FRAS1: variants seen among roughly 807,000 people sequenced by gnomAD.
FRAS1 encodes extracellular matrix organizing protein FRAS1.
FRAS1 carries 290 observed loss-of-function variants against 435.2 expected under a neutral mutation model. That is an observed-to-expected ratio of 0.67 (90% confidence interval 0.61 to 0.73). The LOEUF (loss-of-function observed/expected upper bound fraction) is 0.73, where lower values mean the gene tolerates loss of function less well. Among genes scored for constraint, FRAS1 ranks in the 30% least tolerant of loss-of-function variants. The pLI is 0.00. For missense variants in FRAS1, 4,860 were observed against 5,001.5 expected, an observed-to-expected ratio of 0.97 and a Z score of 0.85; for synonymous variants, 1,800 against 1,851.0, an observed-to-expected ratio of 0.97 and a Z score of 0.71.
At chr4:78,467,263 C>T (rs1719560937) in intron 50 of FRAS1, among the ~76,000 whole-genome samples, 1 of 152,162 alleles carries the variant, frequency 6.6e-6, no homozygotes. Context: ...TTCTTCTCCT[C>T]TCTCTCTCCA....
Position 78,364,033 on chromosome 4 carries a change from G to A in FRAS1, c.2701G>A (p.Asp901Asn), listed in dbSNP as rs764578829. The part of the protein sequence containing the change: ...STTCFPGHYL[D>N]DNHVCQPCNT... ...CACCTGCTTCCCTGGGCACTATCTTGATGACAATCATGTTTGCCAGCGTAG... is the reference window on the plus strand; with the variant it reads ...CACCTGCTTCCCTGGGCACTATCTTAATGACAATCATGTTTGCCAGCGTAG... The change falls in exon 22 of 74, where the codon GAT (aspartate) becomes AAT (asparagine). Residue 901 changes from aspartate to asparagine, a missense_variant. Physicochemically the swap from Asp to Asn is conservative, Grantham distance 23 (BLOSUM62 1). Transcript: ENST00000512123. 4.4e-6 allele frequency: 7 copies of A among 1,595,312 alleles called. No individual in the cohort carries two copies. In the South Asian group the frequency reaches 7.9e-5, roughly 18 times the overall value.
intron 70 of FRAS1, among the ~76,000 whole-genome samples, chr4:78,531,502 G>C (rs1339684887): frequency 1.3e-5 from 2 of 152,122 alleles, no homozygotes; most frequent in Non-Finnish European, 2.9e-5. Context: ...TTATTATTTT[G>C]AGATATGTCC....
At chr4:78,365,731 G>C (rs1731237659) in intron 22 of FRAS1, among the ~76,000 whole-genome samples, 1 of 125,886 alleles carries the variant, frequency 7.9e-6, no homozygotes, top group African/African-American at 3.5e-5. Flanking sequence ...TGAGTTTCTA[G>C]TACATTAAAA....
chr4:78,364,968 C>T (rs1163217770), intron 22 of FRAS1, among the ~76,000 whole-genome samples: 1 of 152,086 alleles, frequency 6.6e-6, no homozygotes, highest in Admixed American at 6.5e-5. Flanking sequence ...GCCAATTAAC[C>T]ACTAGGCCTC....
chr4:78,445,378 T>G, intron 41 of FRAS1, 144 bp from the exon 42 acceptor site: 1 of 1,085,568 alleles, frequency 9.2e-7, no homozygotes, highest in Non-Finnish European at 1.2e-6. Context: ...CAATTCCTGG[T>G]CTTGTGCTTA....
intron 2 of FRAS1, among the ~76,000 whole-genome samples, chr4:78,138,541 C>A (rs896829709): frequency 6.6e-6 from 1 of 152,098 alleles, no homozygotes; most frequent in African/African-American, 2.4e-5. Flanking sequence ...TTCATAATAG[C>A]GACGGCTTTT....
intron 66 of FRAS1, 148 bp from the exon 67 acceptor site, chr4:78,519,183 G>C: frequency 2.5e-6 from 1 of 403,826 alleles, no homozygotes; most frequent in Non-Finnish European, 4.2e-6. Context: ...TTTTAAATAA[G>C]TAAGTGCAAT....
chr4:78,132,182 G>C (rs1301057638), intron 2 of FRAS1, among the ~76,000 whole-genome samples: 3 of 151,948 alleles, frequency 2.0e-5, no homozygotes, highest in South Asian at 2.1e-4. Flanking sequence ...ATAAACCAGG[G>C]CCCCCCTGCA....
chr4:78,258,339 CAAAAA>C (rs33932507), intron 6 of FRAS1, among the ~76,000 whole-genome samples: 5 of 139,904 alleles, frequency 3.6e-5, no homozygotes, highest in Non-Finnish European at 3.1e-5. Flanking sequence ...AGACCTGTAT[CAAAAA>C]AAAAAAAAAA....
intron 2 of FRAS1, among the ~76,000 whole-genome samples, chr4:78,223,971 C>G (rs1724163580): frequency 2.0e-5 from 3 of 151,992 alleles, no homozygotes; most frequent in African/African-American, 7.2e-5. Flanking sequence ...ATGTCATGTG[C>G]CTTTATGGAA....
At chr4:78,298,562 G>C (rs937981602) in intron 14 of FRAS1, among the ~76,000 whole-genome samples, 1 of 152,098 alleles carries the variant, frequency 6.6e-6, no homozygotes. Flanking sequence ...TGTCATGTTT[G>C]GTACTCTATA....
intron 18 of FRAS1, among the ~76,000 whole-genome samples, chr4:78,326,866 A>C (rs191541621): frequency 2.0e-5 from 3 of 152,302 alleles, no homozygotes; most frequent in South Asian, 2.1e-4. Flanking sequence ...ATCCACCCCC[A>C]CACACACTAC....
chr4:78,113,490 T>C (rs1373534727), intron 2 of FRAS1, among the ~76,000 whole-genome samples: 3 of 152,164 alleles, frequency 2.0e-5, no homozygotes, highest in Non-Finnish European at 4.4e-5. Flanking sequence ...CCAGCACCTG[T>C]TGTTTCCTGA....
At chr4:78,274,505 G>A (rs1726892661) in intron 9 of FRAS1, among the ~76,000 whole-genome samples, 1 of 152,080 alleles carries the variant, frequency 6.6e-6, no homozygotes, top group South Asian at 2.1e-4. Context: ...AGAGATTCTG[G>A]TATGTTGTGT....
intron 12 of FRAS1, among the ~76,000 whole-genome samples, chr4:78,283,346 G>T (rs1727422171): frequency 6.6e-6 from 1 of 152,168 alleles, no homozygotes; most frequent in Non-Finnish European, 1.5e-5. Flanking sequence ...TTTGTTATGG[G>T]TGTTCTTTGT....
At chr4:78,065,037 TTAAGA>T (rs986776817) in intron 1 of FRAS1, among the ~76,000 whole-genome samples, 1 of 141,406 alleles carries the variant, frequency 7.1e-6, no homozygotes, top group African/African-American at 2.6e-5. Flanking sequence ...TTTTTTTAAG[TTAAGA>T]TTTCAGTTTT....
intron 54 of FRAS1, among the ~76,000 whole-genome samples, chr4:78,476,407 T>G (rs1373714768): frequency 2.1e-5 from 3 of 141,770 alleles, no homozygotes; most frequent in Non-Finnish European, 3.1e-5. Context: ...ACTTAAATAG[T>G]CAACAAATAC....
At chr4:78,466,122 A>G in intron 49 of FRAS1, 86 bp from the exon 50 acceptor site, 1 of 1,046,182 alleles carries the variant, frequency 9.6e-7, no homozygotes, top group Non-Finnish European at 1.5e-6. Context: ...GGGTTCTACT[A>G]CCCTTGATCA....
chr4:78,301,381 A>G (rs1728385457), intron 14 of FRAS1, among the ~76,000 whole-genome samples: 1 of 152,172 alleles, frequency 6.6e-6, no homozygotes, highest in Non-Finnish European at 1.5e-5. Flanking sequence ...AAGAGTAAAA[A>G]AAAAAAAAGC....
Sources: allele counts gnomAD v4.1 joint callset (sites outside exome capture counted in the v4.1 genomes callset), GRCh38; gene constraint gnomAD v4.1.1; transcripts MANE v1.5; gene names NCBI Gene and HGNC (gene_info 2026-07-23, HGNC 2026-07-21).